Variants in ROBO2 observed in about 807,000 individuals in gnomAD.
The protein encoded by ROBO2 is roundabout guidance receptor 2, also known as roundabout homolog 2.
ROBO2 carries 53 observed loss-of-function variants against 160.8 expected under a neutral mutation model. That is an observed-to-expected ratio of 0.33 (90% CI 0.26 to 0.41). ROBO2 has a LOEUF of 0.41. Ranked by LOEUF, ROBO2 falls within the 10% of genes least tolerant of loss-of-function variation. ROBO2 has a pLI of 1.00. For missense variants in ROBO2, 1,577 were observed against 1,722.4 expected (o/e 0.92, Z 1.49); for synonymous variants, 664 against 611.7 (o/e 1.09, Z -1.26).
intron 2 of ROBO2, among the ~76,000 whole-genome samples, chr3:77,427,611 G>A (rs1448433462): frequency 6.6e-6 from 1 of 152,178 alleles, no homozygotes; most frequent in Non-Finnish European, 1.5e-5. Flanking sequence ...ATTTCCTGGA[G>A]TGAATGGCCT....
intron 2 of ROBO2, among the ~76,000 whole-genome samples, chr3:76,279,931 C>T (rs940183540): frequency 6.6e-6 from 1 of 151,924 alleles, no homozygotes; most frequent in South Asian, 2.1e-4. Context: ...CTCCCCAGGG[C>T]CTAGTCCCAG....
intron 2 of ROBO2, among the ~76,000 whole-genome samples, chr3:76,549,157 A>G (rs2083276944): frequency 6.6e-6 from 1 of 152,212 alleles, no homozygotes; most frequent in Non-Finnish European, 1.5e-5. Flanking sequence ...TAGAACATTC[A>G]TAATGCCAAA....
intron 1 of ROBO2, among the ~76,000 whole-genome samples, chr3:75,927,201 T>C (rs1252985791): frequency 3.3e-5 from 5 of 152,226 alleles, no homozygotes; most frequent in Admixed American, 3.3e-4. Flanking sequence ...GCATTAAAGG[T>C]TGAAATAATG....
Position 76,056,212 on chromosome 3 carries a change from A to G in ROBO2, c.109+118610A>G, listed in dbSNP as rs544737396. ...ATACGGGAGGATGCGCATAGACTAT[A>G]TACACATATGACACCATTTTATGTA... On this transcript the variant is annotated intron_variant, in intron 2 of 26. Coordinates refer to the ROBO2 transcript ENST00000487694. Among the ~76,000 whole-genome samples the G allele has an allele frequency of 2.8e-4, 42 of 152,328 alleles. No individual in the cohort carries two copies. In the South Asian group the frequency reaches 6.0e-3, roughly 22 times the overall value.
chr3:77,518,554 C>G (rs933542259), intron 5 of ROBO2, among the ~76,000 whole-genome samples: 2 of 151,202 alleles, frequency 1.3e-5, no homozygotes, highest in Non-Finnish European at 1.5e-5. Context: ...AAGGCATGGC[C>G]CTGGGAAATG....
intron 2 of ROBO2, among the ~76,000 whole-genome samples, chr3:75,997,538 G>T (rs2065764847): frequency 7.9e-6 from 1 of 126,226 alleles, no homozygotes; most frequent in Admixed American, 1.1e-4. Context: ...TGTCACCCAG[G>T]CTGGGGTGCA....
intron 2 of ROBO2, among the ~76,000 whole-genome samples, chr3:76,641,522 T>C (rs769597694): frequency 1.2e-4 from 19 of 152,136 alleles, no homozygotes; most frequent in Non-Finnish European, 2.2e-4. Context: ...GACTGAGGAA[T>C]TGTGTCAAGT....
At chr3:76,701,954 C>T (rs2593877) in intron 2 of ROBO2, among the ~76,000 whole-genome samples, 51,752 of 151,476 alleles carry the variant, frequency 0.34, 9,694 homozygotes, top group East Asian at 0.55. Context: ...TAAACAGGCT[C>T]AGAGTCATAT....
At chr3:76,764,371 T>C (rs1338239328) in intron 2 of ROBO2, among the ~76,000 whole-genome samples, 1 of 151,740 alleles carries the variant, frequency 6.6e-6, no homozygotes, top group East Asian at 2.0e-4. Context: ...TGTAACTGTA[T>C]GCAGTTCTGA....
At chr3:77,057,889 T>C (rs2065915593) in intron 1 of ROBO2, among the ~76,000 whole-genome samples, 1 of 152,086 alleles carries the variant, frequency 6.6e-6, no homozygotes, top group Admixed American at 6.6e-5. Context: ...AAAAAATATG[T>C]GGCTGACGGG....
intron 2 of ROBO2, among the ~76,000 whole-genome samples, chr3:77,181,755 C>T (rs974255282): frequency 3.3e-5 from 5 of 152,002 alleles, no homozygotes; most frequent in African/African-American, 9.6e-5. Flanking sequence ...AATGTTGGAT[C>T]GCATTATTTT....
chr3:77,308,921 A>T (rs559046127), intron 2 of ROBO2, among the ~76,000 whole-genome samples: 2 of 152,196 alleles, frequency 1.3e-5, no homozygotes, highest in South Asian at 4.1e-4. Context: ...CTTAACCAAG[A>T]TTCAGTCTTG....
At chr3:76,459,329 A>C (rs2077958540) in intron 2 of ROBO2, among the ~76,000 whole-genome samples, 1 of 152,236 alleles carries the variant, frequency 6.6e-6, no homozygotes, top group South Asian at 2.1e-4. Flanking sequence ...ATGCAGACTT[A>C]TAAAATTTCA....
intron 2 of ROBO2, among the ~76,000 whole-genome samples, chr3:76,731,444 G>A (rs1219784251): frequency 2.0e-5 from 3 of 151,788 alleles, no homozygotes; most frequent in East Asian, 3.9e-4. Flanking sequence ...ACCATATCCC[G>A]CTTTTTGACT....
intron 2 of ROBO2, among the ~76,000 whole-genome samples, chr3:76,106,861 G>A (rs1339401487): frequency 6.6e-6 from 1 of 152,080 alleles, no homozygotes; most frequent in African/African-American, 2.4e-5. Flanking sequence ...ACTAGGCTGC[G>A]TGCATAATTC....
intron 2 of ROBO2, among the ~76,000 whole-genome samples, chr3:76,828,967 T>C (rs964631139): frequency 5.9e-5 from 9 of 152,056 alleles, no homozygotes; most frequent in African/African-American, 1.7e-4. Flanking sequence ...CCGGTCTACA[T>C]CCATGATTCT....
intron 8 of ROBO2, among the ~76,000 whole-genome samples, chr3:77,557,227 T>G (rs1374410743): frequency 6.6e-6 from 1 of 151,924 alleles, no homozygotes; most frequent in Non-Finnish European, 1.5e-5. Context: ...ACACAACAAT[T>G]GATATACATG....
Position 77,108,838 on chromosome 3 carries a change from TA to T in ROBO2, c.388+10501del, listed in dbSNP as rs543842184. On this transcript the variant is annotated intron_variant, in intron 2 of 25. Transcript: ENST00000461745. ...TGTAGGGTAGTAGAGGGAGATAATT[TA>T]AATAGCGAGGTAGAAATTAGTAATG... Among the ~76,000 whole-genome samples the T allele has an allele frequency of 8.5e-4, 130 of 152,256 alleles. 1 individual carries two copies. The highest frequency in any genetic ancestry group is 2.9e-3 in the African/African-American group (121 of 41,542).
intron 2 of ROBO2, among the ~76,000 whole-genome samples, chr3:76,513,131 A>T (rs566260888): frequency 6.6e-6 from 1 of 152,204 alleles, no homozygotes; most frequent in Non-Finnish European, 1.5e-5. Flanking sequence ...TTTGAACAGT[A>T]GCAAGGGGTA....
Sources: allele counts gnomAD v4.1 joint callset (sites outside exome capture counted in the v4.1 genomes callset), GRCh38; gene constraint gnomAD v4.1.1; transcripts MANE v1.5; gene names NCBI Gene and HGNC (gene_info 2026-07-23, HGNC 2026-07-21).